The following MACROD2 variants were observed in gnomAD, a reference collection of about 807,000 sequenced individuals.
MACROD2 encodes the protein mono-ADP ribosylhydrolase 2.
In MACROD2, 36 loss-of-function variants were observed where a neutral mutation model predicts 70.4. The observed-to-expected ratio is 0.51, with a 90% CI of 0.39 to 0.68. The LOEUF (loss-of-function observed/expected upper bound fraction) is 0.68, where lower values mean the gene tolerates loss of function less well. Among genes scored for constraint, MACROD2 ranks in the 30% least tolerant of loss-of-function variants. MACROD2 has a pLI of 0.00. For synonymous variants in MACROD2, 172 were observed against 178.8 expected (o/e 0.96, Z 0.30); for missense variants, 496 against 538.4 (o/e 0.92, Z 0.78).
At chr20:15,961,935 A>G (rs1314482694) in intron 12 of MACROD2, among the ~76,000 whole-genome samples, 2 of 152,256 alleles carry the variant, frequency 1.3e-5, no homozygotes, top group African/African-American at 4.8e-5. Flanking sequence ...TGAAATAACC[A>G]AGTCACAGAC....
intron 4 of MACROD2, among the ~76,000 whole-genome samples, chr20:14,682,190 T>C (rs2070940412): frequency 6.6e-6 from 1 of 152,156 alleles, no homozygotes; most frequent in African/African-American, 2.4e-5. Context: ...TGATTAAGTA[T>C]ACTAGGAAAT....
chr20:14,414,119 C>T (rs981803594), intron 3 of MACROD2, among the ~76,000 whole-genome samples: 45 of 152,246 alleles, frequency 3.0e-4, no homozygotes, highest in African/African-American at 2.4e-5. Flanking sequence ...ATATCTATGG[C>T]GTGTATTGCT....
At chr20:15,381,467 G>A (rs1337264818) in intron 6 of MACROD2, among the ~76,000 whole-genome samples, 5 of 151,582 alleles carry the variant, frequency 3.3e-5, no homozygotes, top group African/African-American at 9.7e-5. Flanking sequence ...TTGGGAGGCC[G>A]AGGTGGGTGG....
intron 15 of MACROD2, among the ~76,000 whole-genome samples, chr20:16,019,657 C>G (rs2066975807): frequency 6.6e-6 from 1 of 152,144 alleles, no homozygotes; most frequent in Admixed American, 6.5e-5. Context: ...AATGTGGTTC[C>G]TGGCCCAGCA....
chr20:15,468,645 A>G (rs769100927), intron 7 of MACROD2, among the ~76,000 whole-genome samples: 1 of 152,164 alleles, frequency 6.6e-6, no homozygotes, highest in Non-Finnish European at 1.5e-5. Context: ...TTTGTTCCAC[A>G]CACTTTGCCT....
intron 8 of MACROD2, among the ~76,000 whole-genome samples, chr20:15,715,582 G>C (rs2050696922): frequency 6.6e-6 from 1 of 152,144 alleles, no homozygotes; most frequent in African/African-American, 2.4e-5. Context: ...ACAGTATTTT[G>C]TGGTTTTCCT....
At chr20:14,838,368 G>C (rs2073052820) in intron 5 of MACROD2, among the ~76,000 whole-genome samples, 1 of 152,084 alleles carries the variant, frequency 6.6e-6, no homozygotes, top group African/African-American at 2.4e-5. Flanking sequence ...TAATAAGGCA[G>C]AACATTATTA....
chr20:15,363,077 G>A (rs1485872131), intron 6 of MACROD2, among the ~76,000 whole-genome samples: 3 of 152,102 alleles, frequency 2.0e-5, no homozygotes, highest in African/African-American at 4.8e-5. Flanking sequence ...AGTTGATTTA[G>A]TTTCTATTCA....
chr20:14,981,429 T>C (rs2074798025), intron 5 of MACROD2, among the ~76,000 whole-genome samples: 2 of 93,340 alleles, frequency 2.1e-5, no homozygotes, highest in African/African-American at 9.7e-5. Context: ...TATATATGTA[T>C]ATGTATATAT....
intron 2 of MACROD2, among the ~76,000 whole-genome samples, chr20:14,027,661 TCAGG>T (rs952443149): frequency 3.3e-5 from 5 of 152,152 alleles, no homozygotes; most frequent in African/African-American, 1.2e-4. Flanking sequence ...CTTCTAACAG[TCAGG>T]CCCCACTGCT....
chr20:14,929,684 T>C (rs1349634259), intron 5 of MACROD2, among the ~76,000 whole-genome samples: 1 of 152,108 alleles, frequency 6.6e-6, no homozygotes, highest in East Asian at 1.9e-4. Context: ...GGTTGGTTCC[T>C]CTGGCAAGGG....
chr20:14,433,331 G>A (rs561567571), intron 3 of MACROD2, among the ~76,000 whole-genome samples: 4 of 152,138 alleles, frequency 2.6e-5, no homozygotes, highest in African/African-American at 9.7e-5. Flanking sequence ...TAATAGGAAT[G>A]TTTCAGATGA....
rs386393390 is a variant in MACROD2 at position 15,050,533 on chromosome 20, C to CTTTTTTTTTTTTTTTTTT, written c.419-179398_419-179381dup. 1.0e-4 allele frequency among the ~76,000 whole-genome samples: 8 copies of CTTTTTTTTTTTTTTTTTT among 77,876 alleles called. 1 individual carries two copies. Among genetic ancestry groups the CTTTTTTTTTTTTTTTTTT allele is most frequent in the African/African-American group, 3.1e-4 (5 of 16,020 alleles). The allele number at this position is 77,876 out of a possible 152,430, so 51.1% of individuals were successfully genotyped here. A position where few individuals can be genotyped will look rare whatever the true frequency, so the allele number is the denominator to read the frequency against. ...GTCTTTTTACACTTTCTATTTAGGTCTTTTTTTTTTTTTTTTTTTTTTTTT... is the reference window on the plus strand; with the variant it reads ...GTCTTTTTACACTTTCTATTTAGGTCTTTTTTTTTTTTTTTTTTTTTTTTTTTTTTTTTTTTTTTTTTT... On this transcript the variant is annotated intron_variant, in intron 5 of 17. Coordinates refer to ENST00000684519, the MANE Select transcript of MACROD2 (RefSeq NM_001351661.2).
At chr20:14,816,007 G>A (rs932379034) in intron 5 of MACROD2, among the ~76,000 whole-genome samples, 6 of 151,808 alleles carry the variant, frequency 4.0e-5, no homozygotes, top group Admixed American at 6.6e-5. Flanking sequence ...GAATAACTCC[G>A]GTCCCCTTAA....
intron 6 of MACROD2, among the ~76,000 whole-genome samples, chr20:15,331,337 C>A (rs2077990011): frequency 6.6e-6 from 1 of 151,470 alleles, no homozygotes; most frequent in Non-Finnish European, 1.5e-5. Context: ...TTATTTTGAA[C>A]CTGGTGAGGT....
rs190434354 is a variant in MACROD2, at chr20:15,848,886, C to T, written c.646-13859C>T. 1.9e-4 allele frequency among the ~76,000 whole-genome samples: 29 copies of T among 152,196 alleles called. No homozygotes were observed. In the East Asian group the frequency reaches 4.1e-3, roughly 21 times the overall value. The stretch of plus-strand genomic sequence containing the variant: ...ATCCTCCAGTTGGCTACACTGATTA[C>T]AAGCTGGAAAGATGACTAAAAAGGG... On this transcript the variant is annotated intron_variant, in intron 8 of 17. Coordinates refer to ENST00000684519, the MANE Select transcript of MACROD2 (RefSeq NM_001351661.2).
At chr20:14,788,133 A>G (rs944293007) in intron 5 of MACROD2, among the ~76,000 whole-genome samples, 1 of 152,106 alleles carries the variant, frequency 6.6e-6, no homozygotes, top group Admixed American at 6.6e-5. Context: ...GTGCATATTA[A>G]GCACCAAGAA....
chr20:14,587,813 A>G (rs959547338), intron 4 of MACROD2, among the ~76,000 whole-genome samples: 2 of 152,074 alleles, frequency 1.3e-5, no homozygotes, highest in African/African-American at 4.8e-5. Context: ...TGCTGTTTTT[A>G]AAATTAATTT....
chr20:15,078,396 A>T (rs1312315725), intron 5 of MACROD2, among the ~76,000 whole-genome samples: 2 of 152,180 alleles, frequency 1.3e-5, no homozygotes, highest in African/African-American at 4.8e-5. Context: ...AGGGGGATGA[A>T]AGGCCAGGTA....
Sources: allele counts gnomAD v4.1 joint callset (sites outside exome capture counted in the v4.1 genomes callset), GRCh38; gene constraint gnomAD v4.1.1; transcripts MANE v1.5; gene names NCBI Gene and HGNC (gene_info 2026-07-23, HGNC 2026-07-21).